Variants in NMS observed in about 807,000 individuals in gnomAD.
The protein encoded by NMS is neuromedin S, also known as neuromedin-S.
In NMS, 30 loss-of-function variants were observed where a neutral mutation model predicts 32.2. The observed-to-expected ratio is 0.93, with a 90% CI of 0.70 to 1.26. The LOEUF is 1.26. NMS is among the 50% of genes most tolerant of loss of function. The pLI, the probability that NMS is intolerant of heterozygous loss-of-function variation, is 0.00. For missense variants in NMS, 190 were observed against 186.3 expected (o/e 1.02, Z -0.12); for synonymous variants, 76 against 58.5 (o/e 1.30, Z -1.37).
intron 1 of NMS, among the ~76,000 whole-genome samples, chr2:100,470,833 T>C (rs13430695): frequency 0.24 from 35,722 of 151,974 alleles, 4,380 homozygotes; most frequent in East Asian, 0.34. Flanking sequence ...TCGCTAAAAC[T>C]GAAGGGAAAG....
intron 6 of NMS, among the ~76,000 whole-genome samples, chr2:100,479,697 A>G (rs184377064): frequency 7.3e-5 from 11 of 151,180 alleles, no homozygotes; most frequent in Non-Finnish European, 1.6e-4. Flanking sequence ...TGCTCCTTTC[A>G]TCCCTAAGTT....
chr2:100,481,282 G>T, intron 8 of NMS, 115 bp downstream of exon 8: 2 of 949,622 alleles, frequency 2.1e-6, no homozygotes, highest in Admixed American at 3.4e-5. Context: ...GTGGATAATT[G>T]TGGAGACTCT....
At chr2:100,474,050 T>A (rs1460892900) in intron 3 of NMS, among the ~76,000 whole-genome samples, 1 of 151,964 alleles carries the variant, frequency 6.6e-6, no homozygotes, top group Non-Finnish European at 1.5e-5. Context: ...AGGTGGCGCA[T>A]ACCTGTAATC....
Position 100,477,533 on chromosome 2 carries a change from A to G in NMS, c.261+119A>G, listed in dbSNP as rs1573236075. The G allele has an allele frequency of 2.4e-5, 17 of 695,120 alleles. No individual in the cohort carries two copies. The East Asian group carries it at 4.1e-4, about 17-fold the overall frequency. The allele number at this position is 695,120 out of a possible 1,614,324, so 43.1% of individuals were successfully genotyped here. On this transcript the variant is annotated intron_variant, in intron 5 of 9. Transcript: ENST00000376865. Reference sequence around the variant, plus strand: ...TGGGGGCTCCGGACATCCTCTGGGTAGTAGCTTCCCAGGGGCTTTTCCCTG... The same window carrying G: ...TGGGGGCTCCGGACATCCTCTGGGTGGTAGCTTCCCAGGGGCTTTTCCCTG...
intron 1 of NMS, among the ~76,000 whole-genome samples, chr2:100,470,984 G>A (rs1676997738): frequency 6.6e-6 from 1 of 151,116 alleles, no homozygotes; most frequent in Admixed American, 6.6e-5. Context: ...CGAGAAGGGC[G>A]CGGGAGGAGC....
At chr2:100,470,649 G>A (rs1676991396) in intron 1 of NMS, 85 bp downstream of exon 1, 2 of 1,077,666 alleles carry the variant, frequency 1.9e-6, no homozygotes, top group South Asian at 1.2e-5. Flanking sequence ...CAGCTCTGGA[G>A]GGAGTCAAGC....
intron 9 of NMS, 111 bp downstream of exon 9, chr2:100,482,422 T>A (rs969421611): frequency 6.8e-6 from 7 of 1,034,210 alleles, no homozygotes; most frequent in African/African-American, 3.2e-5. Context: ...GTTCAAGAAA[T>A]GAGGACCCTT....
chr2:100,476,932 T>A (rs978974749), intron 3 of NMS, among the ~76,000 whole-genome samples: 1 of 152,314 alleles, frequency 6.6e-6, no homozygotes, highest in Non-Finnish European at 1.5e-5. Context: ...TTATTCCACC[T>A]GTAGTCAGAT....
chr2:100,477,339 A>G, intron 4 of NMS, 22 bp from the exon 5 acceptor site: 2 of 1,610,010 alleles, frequency 1.2e-6, no homozygotes, highest in South Asian at 2.2e-5. Context: ...CGATACTAAT[A>G]TCACTTTCTT....
Position 100,472,870 on chromosome 2 carries a change from T to A in NMS, c.132+20T>A, listed in dbSNP as rs1025798109. 6.4e-7 allele frequency: 1 copy of A among 1,565,368 alleles called. No individual in the cohort carries two copies. Among genetic ancestry groups the A allele is most frequent in the Non-Finnish European group, 8.8e-7 (1 of 1,137,046 alleles). ...CTTGAGGTACCCAATTATTCAGTAATGTGAGATTTTTGTTTAGTCTGGACC... is the reference window on the plus strand; with the variant it reads ...CTTGAGGTACCCAATTATTCAGTAAAGTGAGATTTTTGTTTAGTCTGGACC... On this transcript the variant is annotated intron_variant, in intron 2 of 9. Transcript: ENST00000376865.
intron 2 of NMS, 46 bp from the exon 3 acceptor site, chr2:100,473,443 C>T: frequency 3.5e-6 from 4 of 1,145,906 alleles, no homozygotes; most frequent in Non-Finnish European, 4.9e-6. Context: ...TCTCTCTCTT[C>T]ATCCCCCTCA....
chr2:100,472,125 G>A (rs13392559), intron 1 of NMS, among the ~76,000 whole-genome samples: 37,523 of 152,080 alleles, frequency 0.25, 4,878 homozygotes, highest in East Asian at 0.35. Flanking sequence ...TACATTCCCT[G>A]TTCCACACAT....
At chr2:100,471,970 T>G (rs1295181635) in intron 1 of NMS, among the ~76,000 whole-genome samples, 4 of 151,874 alleles carry the variant, frequency 2.6e-5, no homozygotes, top group Non-Finnish European at 4.4e-5. Flanking sequence ...CAAGTCAGGC[T>G]ATTATCTTTT....
At chr2:100,470,689 T>C (rs919281902) in intron 1 of NMS, 125 bp downstream of exon 1, 12 of 787,704 alleles carry the variant, frequency 1.5e-5, no homozygotes, top group Middle Eastern at 2.3e-4. Context: ...CCTTCTTGAT[T>C]TCTGGCTGCA....
Position 100,482,262 on chromosome 2 carries a change from TC to T in NMS, c.415-13del. 6.2e-7 allele frequency: 1 copy of T among 1,611,672 alleles called. No homozygotes were observed. Among genetic ancestry groups the T allele is most frequent in the Non-Finnish European group, 8.5e-7 (1 of 1,178,174 alleles). ...TTGTGTCTCAGTATTCATAAGTTGC[TC>T]CTTTTTTTTTCAGCCCAGGAATGGA... On this transcript the variant is annotated splice_polypyrimidine_tract_variant and intron_variant, in intron 8 of 9. Coordinates refer to ENST00000376865, the MANE Select transcript of NMS (RefSeq NM_001011717.1).
chr2:100,477,139 C>G lies in NMS; in HGVS notation c.184-105C>G, dbSNP rs1677125747. On this transcript the variant is annotated intron_variant, in intron 3 of 9. Coordinates refer to ENST00000376865, the MANE Select transcript of NMS (RefSeq NM_001011717.1). ...TAGATTGCCAATTTATCATAATAGT[C>G]AGGTAAATCCACTAAGGTCCATGGT... The G allele has an allele frequency of 2.0e-5, 17 of 861,764 alleles. No individual in the cohort carries two copies. The South Asian group carries it at 2.2e-4, about 11-fold the overall frequency. The allele number at this position is 861,764 out of a possible 1,614,324, so 53.4% of individuals were successfully genotyped here. A position where few individuals can be genotyped will look rare whatever the true frequency, so the allele number is the denominator to read the frequency against.
intron 3 of NMS, among the ~76,000 whole-genome samples, chr2:100,475,037 AC>A (rs1237685489): frequency 6.6e-6 from 1 of 152,116 alleles, no homozygotes. Context: ...CCCATGCTCA[AC>A]CTGCAGTATT....
At chr2:100,480,280 A>G (rs927696750) in intron 6 of NMS, among the ~76,000 whole-genome samples, 1 of 152,228 alleles carries the variant, frequency 6.6e-6, no homozygotes, top group South Asian at 2.1e-4. Context: ...ACAGATGGTA[A>G]CTCAGTCAAG....
intron 9 of NMS, 96 bp downstream of exon 9, chr2:100,482,407 C>A (rs113607812): frequency 3.4e-6 from 4 of 1,183,880 alleles, no homozygotes; most frequent in Admixed American, 1.7e-5. Context: ...ATGGGGAGGA[C>A]CATTGTTCAA....
Sources: allele counts gnomAD v4.1 joint callset (sites outside exome capture counted in the v4.1 genomes callset), GRCh38; gene constraint gnomAD v4.1.1; transcripts MANE v1.5; gene names NCBI Gene and HGNC (gene_info 2026-07-23, HGNC 2026-07-21).